The following KPNA2 variants were observed in gnomAD, a reference collection of about 807,000 sequenced individuals.
The protein encoded by KPNA2 is importin subunit alpha-1.
A neutral mutation model predicts 53.7 loss-of-function variants in KPNA2; 20 were observed. The observed-to-expected ratio is 0.37, with a 90% CI of 0.26 to 0.54. KPNA2 has a LOEUF of 0.54. KPNA2 is among the 20% of genes least tolerant of loss of function. KPNA2 has a pLI of 0.83. For synonymous variants in KPNA2, 238 were observed against 227.5 expected, an observed-to-expected ratio of 1.05 and a Z score of -0.42; for missense variants, 515 against 640.3, an observed-to-expected ratio of 0.80 and a Z score of 2.11.
At chr17:68,044,216 G>T in intron 8 of KPNA2, 105 bp from the exon 9 acceptor site, 1 of 1,301,614 alleles carries the variant, frequency 7.7e-7, no homozygotes. Flanking sequence ...ACTTAAGGTT[G>T]GATAGAACCT....
intron 3 of KPNA2, among the ~76,000 whole-genome samples, chr17:68,037,775 C>T (rs571868132): frequency 7.6e-4 from 116 of 152,082 alleles, no homozygotes; most frequent in African/African-American, 2.7e-3. Context: ...TGTCCAGAGC[C>T]AGCCAGTTTC....
In KPNA2 at chr17:68,043,872, C is replaced by T. The variant is rs782168056; in HGVS notation, c.965C>T (p.Thr322Ile). 1 of 1,612,448 alleles carries T rather than the reference C, an allele frequency of 6.2e-7. No homozygotes were observed. ...CTAAGAGCCATAGGGAATATTGTCACTGGTACAGATGAACAGACTCAGGTT... is the reference window on the plus strand; with the variant it reads ...CTAAGAGCCATAGGGAATATTGTCATTGGTACAGATGAACAGACTCAGGTT... ...PALRAIGNIV[T>I]GTDEQTQVVI... Residue 322 changes from threonine (T) to isoleucine (I), a missense_variant, in exon 8 of 11, where the codon ACT becomes ATT. By Grantham distance (89) the Thr-to-Ile change is moderately conservative. Transcript: ENST00000330459.
At chr17:68,041,957 C>A in intron 4 of KPNA2, 128 bp from the exon 5 acceptor site, 1 of 746,454 alleles carries the variant, frequency 1.3e-6, no homozygotes, top group Non-Finnish European at 2.2e-6. Context: ...AATGTCTCAG[C>A]ATTTAGTGAT....
Position 68,045,762 on chromosome 17 carries a change from T to A in KPNA2, c.1348-10T>A, listed in dbSNP as rs781801384. ...ATATGCCAGTAAACTTGGATTTTTT[T>A]TTTTTTTAGGCTGCTGAGAAACTAG... On this transcript the variant is annotated splice_polypyrimidine_tract_variant and intron_variant, in intron 9 of 10. Coordinates refer to ENST00000330459, the MANE Select transcript of KPNA2 (RefSeq NM_002266.4). 1 of 1,533,494 alleles carries A rather than the reference T, an allele frequency of 6.5e-7. No individual in the cohort carries two copies. Among genetic ancestry groups the A allele is most frequent in the Non-Finnish European group, 8.7e-7 (1 of 1,145,892 alleles). The allele number at this position is 1,533,494 out of a possible 1,614,324, so 95.0% of individuals were successfully genotyped here. A position where few individuals can be genotyped will look rare whatever the true frequency, so the allele number is the denominator to read the frequency against.
chr17:68,042,056 C>T, intron 4 of KPNA2, 29 bp from the exon 5 acceptor site: 1 of 1,582,312 alleles, frequency 6.3e-7, no homozygotes, highest in Non-Finnish European at 8.6e-7. Context: ...TCACTGTCAA[C>T]TTTTATTTCT....
At chr17:68,042,034 T>C in intron 4 of KPNA2, 51 bp from the exon 5 acceptor site, 4 of 1,492,600 alleles carry the variant, frequency 2.7e-6, no homozygotes, top group East Asian at 2.3e-5. Context: ...TTACACAAAC[T>C]CCTTTTGTTA....
rs569956326 is a variant in KPNA2, at chr17:68,042,798, A to T, written c.572-107A>T. 662 of 814,200 alleles carry T rather than the reference A, an allele frequency of 8.1e-4. 3 individuals carry two copies. Among genetic ancestry groups the T allele is most frequent in the Non-Finnish European group, 1.1e-3 (544 of 501,138 alleles). 50.4% of individuals were successfully genotyped at this position (814,200 alleles called of 1,614,324 possible). On this transcript the variant is annotated intron_variant, in intron 5 of 10. Coordinates refer to ENST00000330459, the MANE Select transcript of KPNA2 (RefSeq NM_002266.4). ...AGAATGGCTTGAACCCAGGAGGCGG[A>T]GCTTGCAGTGAGCCGAGATCGCGCC...
chr17:68,040,642 T>C, intron 3 of KPNA2, 36 bp from the exon 4 acceptor site: 1 of 1,368,218 alleles, frequency 7.3e-7, no homozygotes, highest in African/African-American at 1.4e-5. Context: ...GTATTTAATC[T>C]TAATGATAAT....
chr17:68,039,237 C>T (rs943495250), intron 3 of KPNA2, among the ~76,000 whole-genome samples: 4 of 151,848 alleles, frequency 2.6e-5, no homozygotes, highest in African/African-American at 7.3e-5. Flanking sequence ...TCTCCTGCCT[C>T]AGCCTCCCAA....
At chr17:68,045,578 A>G in intron 9 of KPNA2, 194 bp from the exon 10 acceptor site, 1 of 458,224 alleles carries the variant, frequency 2.2e-6, no homozygotes, top group Non-Finnish European at 3.9e-6. Context: ...AAGTAGTGCT[A>G]AAAGCAGGTA....
chr17:68,039,081 C>A (rs1344248091), intron 3 of KPNA2, among the ~76,000 whole-genome samples: 1 of 152,104 alleles, frequency 6.6e-6, no homozygotes, highest in Non-Finnish European at 1.5e-5. Context: ...ATTTATCTTT[C>A]ATCTGGGCCC....
Position 68,045,915 on chromosome 17 carries a change from T to C in KPNA2, c.1491T>C (p.Ser497=), listed in dbSNP as rs1555705364. The C allele has an allele frequency of 1.3e-6, 2 of 1,572,892 alleles. No homozygotes were observed. The highest frequency in any genetic ancestry group is 3.7e-5 in the Admixed American group (2 of 53,592). ...ASLSLIEKYF[S]VEEEEDQNVV... ...TAAGCTTAATTGAGAAGTATTTCTC[T>C]GTAGAGGTGAGTAATGGATGGTAAT... The change falls in exon 10 of 11, where the codon TCT becomes TCC. Residue 497 remains serine, a synonymous_variant. Coordinates refer to ENST00000330459, the MANE Select transcript of KPNA2 (RefSeq NM_002266.4).
intron 1 of KPNA2, among the ~76,000 whole-genome samples, chr17:68,036,782 T>C (rs910078393): frequency 5.3e-5 from 8 of 152,226 alleles, no homozygotes; most frequent in African/African-American, 1.9e-4. Context: ...TTTGGATATG[T>C]TGGGTTAAGT....
chr17:68,037,320 G>C (rs782441955), intron 2 of KPNA2, 38 bp from the exon 3 acceptor site: 1 of 1,600,548 alleles, frequency 6.2e-7, no homozygotes, highest in East Asian at 2.2e-5. Context: ...AACAAAAACT[G>C]GTGTGATAGG....
chr17:68,045,690 C>T, intron 9 of KPNA2, 82 bp from the exon 10 acceptor site: 1 of 1,022,094 alleles, frequency 9.8e-7, no homozygotes, highest in Non-Finnish European at 1.4e-6. Flanking sequence ...CCTGACGTAT[C>T]AATATTCAAA....
intron 9 of KPNA2, 172 bp from the exon 10 acceptor site, chr17:68,045,600 A>G: frequency 1.9e-6 from 1 of 525,292 alleles, no homozygotes; most frequent in Non-Finnish European, 3.3e-6. Flanking sequence ...AGATCCAATC[A>G]CATTGAGTGT....
chr17:68,041,733 A>C (rs1247347014), intron 4 of KPNA2, among the ~76,000 whole-genome samples: 2 of 152,116 alleles, frequency 1.3e-5, no homozygotes, highest in African/African-American at 4.8e-5. Context: ...AAAAAAACAA[A>C]ATGTGCTTAA....
intron 4 of KPNA2, 32 bp downstream of exon 4, chr17:68,040,798 T>A: frequency 7.4e-7 from 1 of 1,345,536 alleles, no homozygotes; most frequent in Non-Finnish European, 1.0e-6. Flanking sequence ...ATGGGTAGCC[T>A]AAGAAATTTG....
intron 7 of KPNA2, 142 bp from the exon 8 acceptor site, chr17:68,043,696 A>T: frequency 1.6e-6 from 1 of 642,664 alleles, no homozygotes; most frequent in Non-Finnish European, 2.7e-6. Context: ...AAAAAAAAAA[A>T]AAAGCATAAT....
Sources: gnomAD v4.1 joint callset for allele counts (sites outside exome capture counted in the v4.1 genomes callset) on GRCh38, gnomAD v4.1.1 for gene constraint, MANE v1.5 for transcripts, NCBI Gene and HGNC (gene_info 2026-07-23, HGNC 2026-07-21) for gene names.